The following RAB3IP variants were observed in gnomAD, a reference collection of about 807,000 sequenced individuals.
RAB3IP encodes rab-3A-interacting protein.
Under a neutral mutation model 59.1 loss-of-function variants are expected in RAB3IP, and 36 were observed. The ratio of observed to expected loss-of-function variants is 0.61; its 90% CI spans 0.47 to 0.80. The LOEUF is 0.80. Ranked by LOEUF, RAB3IP falls within the 30% of genes least tolerant of loss-of-function variation. RAB3IP has a pLI of 0.00. For missense variants in RAB3IP, 511 were observed against 536.0 expected (o/e 0.95, Z 0.46); for synonymous variants, 207 against 191.2 (o/e 1.08, Z -0.68).
intron 1 of RAB3IP, among the ~76,000 whole-genome samples, chr12:69,748,124 A>G (rs1197738311): frequency 1.3e-5 from 2 of 150,454 alleles, no homozygotes; most frequent in African/African-American, 2.4e-5. Context: ...TTGTCAAGGT[A>G]AGTCCAAATT....
intron 8 of RAB3IP, among the ~76,000 whole-genome samples, chr12:69,809,562 C>T (rs1306478077): frequency 1.3e-5 from 2 of 152,354 alleles, no homozygotes; most frequent in African/African-American, 2.4e-5. Flanking sequence ...TTGGTCTTTT[C>T]ACATAGTCCC....
intron 6 of RAB3IP, chr12:69,795,733 C>A: frequency 7.4e-6 from 2 of 269,512 alleles, no homozygotes; most frequent in South Asian, 1.6e-4. Flanking sequence ...CAATACATTG[C>A]TTTTATTTAA....
In RAB3IP at chr12:69,794,450, T is replaced by TG. The variant is rs1565912559; in HGVS notation, c.622dup (p.Val208GlyfsTer23). On this transcript the variant is annotated frameshift_variant, in exon 5 of 11. Coordinates refer to ENST00000247833, the MANE Select transcript of RAB3IP (RefSeq NM_022456.5). LOFTEE classifies it high-confidence loss of function. ...TAACTTTTTCAGGAAGCTCATAAAA[T>TG]GGTGAGAGAAGCAAATATCAAGCAG... 2 of 1,611,578 alleles carry TG rather than the reference T, an allele frequency of 1.2e-6. No homozygotes were observed. Among genetic ancestry groups the TG allele is most frequent in the African/African-American group, 1.3e-5 (1 of 74,944 alleles).
At chr12:69,801,839 G>A in intron 8 of RAB3IP, 118 bp downstream of exon 8, 1 of 644,774 alleles carries the variant, frequency 1.6e-6, no homozygotes. Flanking sequence ...TTTCTCTTAA[G>A]CGTCTGTGTA....
chr12:69,795,116 G>A, intron 5 of RAB3IP, 25 bp from the exon 6 acceptor site: 9 of 1,568,200 alleles, frequency 5.7e-6, no homozygotes, highest in Non-Finnish European at 7.9e-6. Context: ...TTTAATGTAT[G>A]TGACTATGTT....
intron 4 of RAB3IP, among the ~76,000 whole-genome samples, chr12:69,792,188 C>T (rs939590534): frequency 1.3e-5 from 2 of 152,032 alleles, no homozygotes; most frequent in Admixed American, 1.3e-4. Flanking sequence ...GTCATTGGTA[C>T]AAAGTGTCAG....
intron 3 of RAB3IP, among the ~76,000 whole-genome samples, chr12:69,761,622 G>A (rs888795549): frequency 2.4e-4 from 37 of 152,118 alleles, no homozygotes; most frequent in Non-Finnish European, 8.8e-5. Flanking sequence ...AGATTCATGA[G>A]GATAAGGATT....
At position 69,801,630 on chromosome 12, in the gene RAB3IP, G is replaced by C. The variant is rs1425578229; in HGVS notation, c.1039G>C (p.Ala347Pro). ...KSELASAVLE[A>P]VENNTLSIEP... The stretch of plus-strand genomic sequence containing the variant: ...TAAGTTGGCTTCAGCTGTTCTGGAG[G>C]CTGTGGAAAACAATACTCTAAGCAT... Residue 347 changes from alanine to proline, a missense_variant, in exon 8 of 11, where the codon GCT becomes CCT. Transcript: ENST00000247833. 13 of 1,611,548 alleles carry C rather than the reference G, an allele frequency of 8.1e-6. No individual in the cohort carries two copies. Among genetic ancestry groups the C allele is most frequent in the Non-Finnish European group, 1.1e-5 (13 of 1,178,492 alleles).
At chr12:69,758,343 A>G (rs887761275) in intron 3 of RAB3IP, among the ~76,000 whole-genome samples, 3 of 152,108 alleles carry the variant, frequency 2.0e-5, no homozygotes, top group Admixed American at 2.0e-4. Flanking sequence ...GTTTAAATTT[A>G]CCATCTTACT....
At chr12:69,740,591 A>G (rs1459400788) in intron 1 of RAB3IP, among the ~76,000 whole-genome samples, 5 of 152,330 alleles carry the variant, frequency 3.3e-5, no homozygotes, top group Middle Eastern at 3.4e-3. Flanking sequence ...GAATACTTGT[A>G]ATCTTTCACC....
chr12:69,764,916 T>C (rs1028252693), intron 3 of RAB3IP, among the ~76,000 whole-genome samples: 1 of 152,170 alleles, frequency 6.6e-6, no homozygotes, highest in African/African-American at 2.4e-5. Flanking sequence ...GTAAATGAGA[T>C]TGTGTTCTTG....
At chr12:69,741,723 C>A (rs961933724) in intron 1 of RAB3IP, among the ~76,000 whole-genome samples, 1 of 152,142 alleles carries the variant, frequency 6.6e-6, no homozygotes, top group Admixed American at 6.5e-5. Context: ...AGTGACAGGT[C>A]TAGATTAGAT....
intron 1 of RAB3IP, among the ~76,000 whole-genome samples, chr12:69,753,590 C>G (rs1297223251): frequency 1.3e-5 from 2 of 152,082 alleles, no homozygotes; most frequent in African/African-American, 4.8e-5. Flanking sequence ...CTCAAGTAAT[C>G]CACCCGCCTC....
intron 8 of RAB3IP, among the ~76,000 whole-genome samples, chr12:69,808,057 T>G (rs1032023173): frequency 5.3e-5 from 8 of 152,236 alleles, no homozygotes; most frequent in African/African-American, 1.9e-4. Context: ...TACACACTGC[T>G]TTGAATGCGT....
chr12:69,783,472 C>G (rs1875091957), intron 3 of RAB3IP, among the ~76,000 whole-genome samples: 1 of 152,110 alleles, frequency 6.6e-6, no homozygotes, highest in Non-Finnish European at 1.5e-5. Flanking sequence ...TTTGAGACTT[C>G]CGAGTTTTTT....
intron 1 of RAB3IP, among the ~76,000 whole-genome samples, chr12:69,751,597 A>G (rs1414867345): frequency 6.6e-6 from 1 of 152,208 alleles, no homozygotes; most frequent in African/African-American, 2.4e-5. Flanking sequence ...TTAGTTCCAA[A>G]TGACATTAGC....
chr12:69,807,503 G>T (rs572469515), intron 8 of RAB3IP, among the ~76,000 whole-genome samples: 17 of 147,174 alleles, frequency 1.2e-4, no homozygotes, highest in African/African-American at 3.3e-4. Context: ...ACGACGGGCG[G>T]CCGGGCAGAG....
chr12:69,792,289 G>T (rs535171044), intron 4 of RAB3IP, among the ~76,000 whole-genome samples: 1 of 152,018 alleles, frequency 6.6e-6, no homozygotes, highest in African/African-American at 2.4e-5. Context: ...TCTTGTTTGC[G>T]CACCACCTCC....
intron 3 of RAB3IP, among the ~76,000 whole-genome samples, chr12:69,759,122 G>A (rs1313843439): frequency 6.8e-6 from 1 of 148,134 alleles, no homozygotes. Flanking sequence ...CCTAGGCAGA[G>A]GACCCTGCGG....
Sources: gnomAD v4.1 joint callset for allele counts (sites outside exome capture counted in the v4.1 genomes callset) on GRCh38, gnomAD v4.1.1 for gene constraint, MANE v1.5 for transcripts, NCBI Gene and HGNC (gene_info 2026-07-23, HGNC 2026-07-21) for gene names.